The following IGSF11 variants were observed in gnomAD, a reference collection of about 807,000 sequenced individuals.
IGSF11 encodes the protein immunoglobulin superfamily member 11.
A neutral mutation model predicts 41.0 loss-of-function variants in IGSF11; 22 were observed. The ratio of observed to expected loss-of-function variants is 0.54; its 90% CI spans 0.38 to 0.77. The LOEUF (loss-of-function observed/expected upper bound fraction) is 0.77. IGSF11 is among the 30% of genes least tolerant of loss of function. The pLI is 0.00. For missense variants in IGSF11, 444 were observed against 530.8 expected (o/e 0.84, Z 1.61); for synonymous variants, 219 against 201.3 (o/e 1.09, Z -0.74).
intron 1 of IGSF11, chr3:119,105,128 A>G (rs777167384): frequency 3.8e-6 from 6 of 1,571,604 alleles, no homozygotes; most frequent in African/African-American, 2.7e-5. Flanking sequence ...AACTTTTCCA[A>G]TGTCAAGTCA....
rs371127383 is a variant in IGSF11, at chr3:119,011,969, G to A, written c.52+22562C>T. 6.6e-5 allele frequency among the ~76,000 whole-genome samples: 10 copies of A among 151,876 alleles called. No homozygotes were observed. The East Asian group carries it at 7.8e-4, about 12-fold the overall frequency. ...TCTGTGTGTGTGTGTGTGTGTGTGT[G>A]TATACACACATATATATAGGTATAT... On this transcript the variant is annotated intron_variant, in intron 1 of 6. Transcript: ENST00000393775.
At chr3:118,929,890 C>T (rs1942695717) in intron 2 of IGSF11, among the ~76,000 whole-genome samples, 2 of 152,142 alleles carry the variant, frequency 1.3e-5, no homozygotes, top group Admixed American at 6.5e-5. Context: ...CCTACATAAA[C>T]CTCTCAGAAG....
chr3:118,935,275 C>T (rs1943158325), intron 1 of IGSF11, among the ~76,000 whole-genome samples: 4 of 130,386 alleles, frequency 3.1e-5, no homozygotes, highest in Admixed American at 2.4e-4. Context: ...ATACACACAC[C>T]CTGAGGAAAT....
At chr3:119,049,669 T>A (rs12487389) in intron 1 of IGSF11, among the ~76,000 whole-genome samples, 5 of 151,972 alleles carry the variant, frequency 3.3e-5, no homozygotes, top group South Asian at 2.1e-4. Context: ...ATATGGAACC[T>A]AAAAAGAGCC....
intron 1 of IGSF11, among the ~76,000 whole-genome samples, chr3:119,117,149 C>T (rs558337807): frequency 5.9e-5 from 9 of 151,972 alleles, no homozygotes; most frequent in Non-Finnish European, 1.2e-4. Flanking sequence ...GCAGGAAGAA[C>T]CCCTCAGATG....
At chr3:118,999,821 G>C (rs1273611657) in intron 1 of IGSF11, among the ~76,000 whole-genome samples, 7 of 151,870 alleles carry the variant, frequency 4.6e-5, no homozygotes, top group Non-Finnish European at 8.8e-5. Context: ...ATAATTCATA[G>C]AGCATTCTTC....
chr3:118,960,925 A>G (rs964340920), intron 1 of IGSF11, among the ~76,000 whole-genome samples: 1 of 152,242 alleles, frequency 6.6e-6, no homozygotes, highest in Non-Finnish European at 1.5e-5. Flanking sequence ...CTAATCAGCA[A>G]TATTTCAAGC....
At chr3:118,903,560 T>G (rs1238054015) in intron 6 of IGSF11, among the ~76,000 whole-genome samples, 2 of 152,180 alleles carry the variant, frequency 1.3e-5, no homozygotes, top group Non-Finnish European at 2.9e-5. Context: ...TGTGGGGTGC[T>G]GATGAGAGGT....
rs369847693 is a variant in IGSF11 at position 118,917,254 on chromosome 3, A to T, written c.580+8847T>A. 4.4e-4 allele frequency among the ~76,000 whole-genome samples: 64 copies of T among 145,986 alleles called. 1 individual carries two copies. Among genetic ancestry groups the T allele is most frequent in the Admixed American group, 3.4e-3 (49 of 14,588 alleles). ...CTAGCAGAAGGCAAGAAATAACTAA[A>T]ATCAGAGCAGAACTGAAGGAAATAG... On this transcript the variant is annotated intron_variant, in intron 4 of 6. Transcript: ENST00000393775.
chr3:119,140,807 G>C (rs2077635907), intron 1 of IGSF11, among the ~76,000 whole-genome samples: 1 of 151,920 alleles, frequency 6.6e-6, no homozygotes, highest in South Asian at 2.1e-4. Context: ...ACTTTGGGAG[G>C]CCGAGGAGGG....
At chr3:119,066,453 C>T (rs1576755966) in intron 1 of IGSF11, among the ~76,000 whole-genome samples, 1 of 152,312 alleles carries the variant, frequency 6.6e-6, no homozygotes, top group South Asian at 2.1e-4. Flanking sequence ...TTTCCCAACT[C>T]TATCTTCTCT....
At chr3:118,912,013 T>C (rs897088071) in intron 4 of IGSF11, among the ~76,000 whole-genome samples, 20 of 152,184 alleles carry the variant, frequency 1.3e-4, no homozygotes, top group African/African-American at 4.8e-4. Flanking sequence ...ACAGAGGATT[T>C]CTTACAAACC....
In IGSF11 at chr3:118,938,064, C is replaced by T. The variant is rs572910739; in HGVS notation, c.53-7789G>A. Among the ~76,000 whole-genome samples the T allele has an allele frequency of 3.4e-3, 516 of 150,598 alleles. 3 individuals are homozygous for T. The highest frequency in any genetic ancestry group is 0.011 in the African/African-American group (463 of 40,884). On this transcript the variant is annotated intron_variant, in intron 1 of 6. Coordinates refer to ENST00000393775, the MANE Select transcript of IGSF11 (RefSeq NM_001015887.3). ...AAATGTGTGTGTGTGTGTGTGTGTA[C>T]ATATGCATATGTGTATATACATATG...
intron 1 of IGSF11, among the ~76,000 whole-genome samples, chr3:119,116,820 A>C (rs905263912): frequency 2.6e-5 from 4 of 152,060 alleles, no homozygotes; most frequent in Admixed American, 6.5e-5. Context: ...CATATCTGAC[A>C]CCCATGTCTC....
intron 4 of IGSF11, among the ~76,000 whole-genome samples, chr3:118,920,541 T>C (rs1941672273): frequency 6.6e-6 from 1 of 151,892 alleles, no homozygotes; most frequent in Non-Finnish European, 1.5e-5. Flanking sequence ...AACCATACAA[T>C]AGTAACGTAC....
intron 1 of IGSF11, among the ~76,000 whole-genome samples, chr3:119,121,787 T>C (rs1407444772): frequency 6.6e-6 from 1 of 151,488 alleles, no homozygotes; most frequent in East Asian, 1.9e-4. Flanking sequence ...AGTCAAACAC[T>C]AAGAGAGAAT....
intron 1 of IGSF11, among the ~76,000 whole-genome samples, chr3:119,011,857 T>G (rs1938151168): frequency 6.6e-6 from 1 of 152,120 alleles, no homozygotes; most frequent in Admixed American, 6.5e-5. Flanking sequence ...GTTGAACATA[T>G]AATCTAAAAT....
chr3:119,059,208 C>CACA (rs201880576), intron 1 of IGSF11, among the ~76,000 whole-genome samples: 3 of 133,122 alleles, frequency 2.3e-5, no homozygotes, highest in African/African-American at 9.9e-5. Flanking sequence ...CACACACACA[C>CACA]CACACCATGG....
At chr3:119,084,815 G>A (rs1450225766) in intron 1 of IGSF11, among the ~76,000 whole-genome samples, 1 of 152,226 alleles carries the variant, frequency 6.6e-6, no homozygotes, top group East Asian at 1.9e-4. Context: ...GGACCTGGAG[G>A]AGGGAGCCAC....
Sources: gnomAD v4.1 joint callset for allele counts (sites outside exome capture counted in the v4.1 genomes callset) on GRCh38, gnomAD v4.1.1 for gene constraint, MANE v1.5 for transcripts, NCBI Gene and HGNC (gene_info 2026-07-23, HGNC 2026-07-21) for gene names.